Variants in CAP1 observed in about 807,000 individuals in gnomAD.
CAP1 encodes cyclase associated actin cytoskeleton regulatory protein 1.
In CAP1, 11 loss-of-function variants were observed where a neutral mutation model predicts 58.2. The observed-to-expected ratio is 0.19, with a 90% CI of 0.12 to 0.31. The LOEUF (loss-of-function observed/expected upper bound fraction) is 0.31, where lower values mean the gene tolerates loss of function less well. Among genes scored for constraint, CAP1 ranks in the 10% least tolerant of loss-of-function variants. CAP1 has a pLI of 1.00. For missense variants in CAP1, 423 were observed against 587.5 expected (o/e 0.72, Z 2.89); for synonymous variants, 183 against 213.8 (o/e 0.86, Z 1.26).
chr1:40,064,373 G>A lies in CAP1; in HGVS notation c.438+3G>A, dbSNP rs1358319754. 1 of 1,614,116 alleles carries A rather than the reference G, an allele frequency of 6.2e-7. No individual in the cohort carries two copies. Among genetic ancestry groups the A allele is most frequent in the Admixed American group, 1.7e-5 (1 of 60,020 alleles). ...AGGCCCTGGGCTGGGTGGCTATGGTGAGCAGCGCAGATTCCAGGGCTGGGG... is the reference window on the plus strand; with the variant it reads ...AGGCCCTGGGCTGGGTGGCTATGGTAAGCAGCGCAGATTCCAGGGCTGGGG... On this transcript the variant is annotated splice_donor_region_variant and intron_variant, in intron 5 of 12. Coordinates refer to ENST00000372805, the MANE Select transcript of CAP1 (RefSeq NM_006367.4).
At chr1:40,060,021 C>T in intron 2 of CAP1, 46 bp from the exon 3 acceptor site, 1 of 1,487,208 alleles carries the variant, frequency 6.7e-7, no homozygotes. Context: ...TTAAAGAAGC[C>T]TCCTTCTGAT....
At chr1:40,045,553 T>C (rs1476149025) in intron 1 of CAP1, among the ~76,000 whole-genome samples, 1 of 151,968 alleles carries the variant, frequency 6.6e-6, no homozygotes, top group Non-Finnish European at 1.5e-5. Context: ...TCTTTTTCTT[T>C]CTTTTGTTTT....
At chr1:40,068,835 TATTTTA>T (rs1647266897) in intron 8 of CAP1, among the ~76,000 whole-genome samples, 1 of 152,002 alleles carries the variant, frequency 6.6e-6, no homozygotes, top group Non-Finnish European at 1.5e-5. Flanking sequence ...TTTTTTATTT[TATTTTA>T]TTTTTTTTGA....
intron 1 of CAP1, among the ~76,000 whole-genome samples, chr1:40,049,421 G>A (rs978584444): frequency 2.0e-5 from 3 of 151,838 alleles, no homozygotes; most frequent in Non-Finnish European, 4.4e-5. Flanking sequence ...ATTTTAGCCA[G>A]GCTGGTCTCG....
rs371013336 is a variant in CAP1, at chr1:40,070,174, G to A, written c.1009G>A (p.Val337Ile). ...TCTCTAACAGGAAAATCAGGAAAAT[G>A]TTTCCAACCTGGTGATTGAGGACAC... ...KKWRVENQENVSNLVIEDTEL... is the reference protein window; with the variant it reads ...KKWRVENQENISNLVIEDTEL... The change falls in exon 10 of 13, where the codon GTT becomes ATT. Residue 337 changes from valine (V) to isoleucine (I), a missense_variant. By Grantham distance (29) the Val-to-Ile change is conservative (BLOSUM62 3). Transcript: ENST00000372805. The A allele has an allele frequency of 1.9e-6, 3 of 1,614,050 alleles. No homozygotes were observed. The highest frequency in any genetic ancestry group is 2.7e-5 in the African/African-American group (2 of 74,918).
chr1:40,064,661 C>T, intron 6 of CAP1, 102 bp downstream of exon 6: 1 of 855,496 alleles, frequency 1.2e-6, no homozygotes, highest in Non-Finnish European at 2.0e-6. Context: ...ATTGCAGCCT[C>T]AACCTCCCAG....
chr1:40,066,894 G>A (rs1647110555), intron 7 of CAP1, among the ~76,000 whole-genome samples: 1 of 152,182 alleles, frequency 6.6e-6, no homozygotes, highest in Admixed American at 6.5e-5. Context: ...AGGAGAAAAG[G>A]CTGGAAAGGA....
At chr1:40,052,520 C>A (rs982427567) in intron 1 of CAP1, among the ~76,000 whole-genome samples, 1 of 152,142 alleles carries the variant, frequency 6.6e-6, no homozygotes. Context: ...ATACAGTTCT[C>A]TGCTCTGATA....
At chr1:40,066,592 TA>T (rs1182262554) in intron 7 of CAP1, among the ~76,000 whole-genome samples, 1 of 152,198 alleles carries the variant, frequency 6.6e-6, no homozygotes, top group African/African-American at 2.4e-5. Context: ...ACAAATGAGT[TA>T]CACTATCCCA....
intron 1 of CAP1, among the ~76,000 whole-genome samples, chr1:40,056,653 G>A (rs1646629239): frequency 6.6e-6 from 1 of 152,040 alleles, no homozygotes; most frequent in Admixed American, 6.6e-5. Flanking sequence ...ATGCTGCTCT[G>A]GTAGTCTTTA....
At chr1:40,051,533 A>G (rs958221545) in intron 1 of CAP1, among the ~76,000 whole-genome samples, 1 of 152,202 alleles carries the variant, frequency 6.6e-6, no homozygotes, top group Non-Finnish European at 1.5e-5. Context: ...AGCCTGGTCA[A>G]TAGAGCCAGA....
intron 8 of CAP1, among the ~76,000 whole-genome samples, chr1:40,068,684 G>A (rs1397758785): frequency 6.6e-6 from 1 of 152,000 alleles, no homozygotes; most frequent in East Asian, 1.9e-4. Context: ...AGGAATGGTG[G>A]AGATAAAAAG....
At chr1:40,062,773 T>TTGTGTGTGTGTGTGTGTG (rs1169359200) in intron 4 of CAP1, among the ~76,000 whole-genome samples, 5,399 of 145,534 alleles carry the variant, frequency 0.037, 155 homozygotes, top group Non-Finnish European at 0.055. Context: ...TCAAAAAACA[T>TTGTGTGTGTGTGTGTGTG]TGTGTGTGTG....
rs368794945 is a variant in CAP1, at chr1:40,070,239, C to T, written c.1074C>T (p.Asn358=). The T allele has an allele frequency of 1.4e-5, 22 of 1,614,060 alleles. No homozygotes were observed. The African/African-American group carries it at 2.0e-4, about 15-fold the overall frequency. ...KQVAYIYKCV[N]TTLQIKGKIN... is the part of the protein sequence containing the mutation. The stretch of plus-strand genomic sequence containing the variant: ...TGGCTTACATATACAAGTGTGTCAA[C>T]ACGACATTGCAAATCAAGGGCAAAA... Residue 358 remains asparagine (N), a synonymous_variant, in exon 10 of 13, where the codon AAC becomes AAT. Coordinates refer to ENST00000372805, the MANE Select transcript of CAP1 (RefSeq NM_006367.4).
In CAP1 at chr1:40,072,252, GAAAAAAA is replaced by G. The variant is rs61352266; in HGVS notation, c.*732_*738del. The G allele has an allele frequency of 1.9e-4, 30 of 160,696 alleles. 1 individual carries two copies. Among genetic ancestry groups the G allele is most frequent in the Middle Eastern group, 2.9e-3 (2 of 700 alleles). The allele number at this position is 160,696 out of a possible 1,614,324, so 10.0% of individuals were successfully genotyped here. The stretch of plus-strand genomic sequence containing the variant: ...CTTCCTATAGAGATGACTTTAAAAG[GAAAAAAA>G]AAAAAAAAAAAACCCACATGATTTC... On this transcript the variant is annotated 3_prime_UTR_variant, in exon 13 of 13. Coordinates refer to ENST00000372805, the MANE Select transcript of CAP1 (RefSeq NM_006367.4).
chr1:40,064,178 C>T (rs373122707), intron 4 of CAP1, 49 bp from the exon 5 acceptor site: 1 of 1,595,006 alleles, frequency 6.3e-7, no homozygotes, highest in Non-Finnish European at 8.6e-7. Context: ...GGCATAGACA[C>T]CTTTGTGGAA....
rs1648206340 is a variant in CAP1, at chr1:40,072,271, A to AC, written c.*741dup. ...TAAAAGGAAAAAAAAAAAAAAAAAA[A>AC]CCCACATGATTTCAAGGAGTCTGGC... On this transcript the variant is annotated 3_prime_UTR_variant, in exon 13 of 13. Coordinates refer to ENST00000372805, the MANE Select transcript of CAP1 (RefSeq NM_006367.4). 5.3e-6 allele frequency: 2 copies of AC among 376,120 alleles called. No homozygotes were observed. The highest frequency in any genetic ancestry group is 7.6e-5 in the East Asian group (2 of 26,240). 23.3% of individuals were successfully genotyped at this position (376,120 alleles called of 1,614,324 possible).
intron 1 of CAP1, among the ~76,000 whole-genome samples, chr1:40,043,736 G>T (rs969588224): frequency 6.6e-6 from 1 of 152,052 alleles, no homozygotes; most frequent in African/African-American, 2.4e-5. Context: ...AATTAGCTGG[G>T]CGTGGTTGTG....
intron 1 of CAP1, among the ~76,000 whole-genome samples, chr1:40,053,542 C>A (rs1366304733): frequency 6.6e-6 from 1 of 152,102 alleles, no homozygotes; most frequent in Non-Finnish European, 1.5e-5. Context: ...TCTCCGCCTC[C>A]CAGGTTCCAG....
Sources: gnomAD v4.1 joint callset for allele counts (sites outside exome capture counted in the v4.1 genomes callset) on GRCh38, gnomAD v4.1.1 for gene constraint, MANE v1.5 for transcripts, NCBI Gene and HGNC (gene_info 2026-07-23, HGNC 2026-07-21) for gene names.